THADA: variants seen among roughly 807,000 people sequenced by gnomAD.
The protein encoded by THADA is THADA armadillo repeat containing, also known as tRNA (32-2'-O)-methyltransferase regulator THADA.
A neutral mutation model predicts 219.8 loss-of-function variants in THADA; 213 were observed. That is an observed-to-expected ratio of 0.97 (90% CI 0.87 to 1.09). The LOEUF (loss-of-function observed/expected upper bound fraction) is 1.09. Ranked by LOEUF, THADA falls within the 50% of genes least tolerant of loss-of-function variation. The probability of loss-of-function intolerance (pLI) is 0.00; values close to 1 mark genes in which losing one functional copy is unlikely to be tolerated. For missense variants in THADA, 2,956 were observed against 2,311.3 expected, an observed-to-expected ratio of 1.28 and a Z score of -5.72; for synonymous variants, 1,018 against 828.9, an observed-to-expected ratio of 1.23 and a Z score of -3.92.
At chr2:43,551,418 G>T (rs1696723029) in intron 19 of THADA, among the ~76,000 whole-genome samples, 1 of 151,996 alleles carries the variant, frequency 6.6e-6, no homozygotes, top group Non-Finnish European at 1.5e-5. Context: ...CCAAAATACA[G>T]ATGCTCCAAT....
At chr2:43,506,637 C>A (rs1390907252) in intron 23 of THADA, among the ~76,000 whole-genome samples, 1 of 152,048 alleles carries the variant, frequency 6.6e-6, no homozygotes, top group African/African-American at 2.4e-5. Flanking sequence ...GGTTGATGTT[C>A]TAAAACTAAA....
chr2:43,457,322 T>G (rs1161552002), intron 26 of THADA, among the ~76,000 whole-genome samples: 1 of 152,178 alleles, frequency 6.6e-6, no homozygotes, highest in Non-Finnish European at 1.5e-5. Context: ...TAGACACTTC[T>G]GTGAACATAT....
intron 28 of THADA, among the ~76,000 whole-genome samples, chr2:43,422,085 T>C (rs1677787977): frequency 6.6e-6 from 1 of 152,236 alleles, no homozygotes; most frequent in African/African-American, 2.4e-5. Flanking sequence ...GCTGCAGATA[T>C]ATGCTCAACA....
At chr2:43,537,318 T>G (rs990974852) in intron 21 of THADA, among the ~76,000 whole-genome samples, 4 of 152,234 alleles carry the variant, frequency 2.6e-5, no homozygotes, top group Non-Finnish European at 4.4e-5. Flanking sequence ...TATCCTCTAT[T>G]GTATTTCTAA....
intron 26 of THADA, among the ~76,000 whole-genome samples, chr2:43,462,049 T>C (rs1442428614): frequency 6.6e-6 from 1 of 152,198 alleles, no homozygotes; most frequent in Non-Finnish European, 1.5e-5. Context: ...CAAGTGAGTA[T>C]CTGAGGAAGG....
rs185503483 is a variant in THADA, at chr2:43,291,311, C to T, written c.5010+385G>A. Among the ~76,000 whole-genome samples, 44 of 151,522 alleles carry T rather than the reference C, an allele frequency of 2.9e-4. No homozygotes were observed. The East Asian group carries it at 5.2e-3, about 18-fold the overall frequency. On this transcript the variant is annotated intron_variant, in intron 34 of 37. Coordinates refer to ENST00000405975, the MANE Select transcript of THADA (RefSeq NM_022065.5). Reference sequence around the variant, plus strand: ...CTAAAAATACAAAAAATTAGCCGGGCGTGCTGGCACAAGCCTGTAATCCCA... The same window carrying T: ...CTAAAAATACAAAAAATTAGCCGGGTGTGCTGGCACAAGCCTGTAATCCCA...
chr2:43,594,623 G>C (rs920345752), intron 1 of THADA, among the ~76,000 whole-genome samples: 20 of 151,540 alleles, frequency 1.3e-4, no homozygotes, highest in African/African-American at 4.8e-4. Flanking sequence ...AAATACTTGA[G>C]ATTTTGCCCT....
intron 37 of THADA, 146 bp from the exon 38 acceptor site, chr2:43,231,489 G>T: frequency 1.4e-6 from 1 of 702,376 alleles, no homozygotes; most frequent in Non-Finnish European, 2.2e-6. Flanking sequence ...CAACATCCAT[G>T]TACACACACC....
chr2:43,448,945 A>C (rs1471557677), intron 26 of THADA, among the ~76,000 whole-genome samples: 1 of 152,186 alleles, frequency 6.6e-6, no homozygotes, highest in East Asian at 1.9e-4. Context: ...AGAAACAGGG[A>C]AAGATAGCCA....
intron 13 of THADA, among the ~76,000 whole-genome samples, chr2:43,571,352 G>C (rs1477868846): frequency 2.6e-5 from 4 of 151,118 alleles, no homozygotes; most frequent in Non-Finnish European, 5.9e-5. Context: ...CTAGGTTCAA[G>C]CAATTCTCCT....
intron 29 of THADA, among the ~76,000 whole-genome samples, chr2:43,349,659 G>A (rs903900704): frequency 3.3e-5 from 5 of 152,048 alleles, no homozygotes; most frequent in Non-Finnish European, 1.5e-5. Context: ...AGCAATAACA[G>A]GACAAGGTTA....
intron 30 of THADA, among the ~76,000 whole-genome samples, chr2:43,337,893 T>C (rs943885871): frequency 3.9e-5 from 6 of 151,986 alleles, no homozygotes; most frequent in Admixed American, 3.3e-4. Flanking sequence ...AATTGAAAAA[T>C]AGGCAAAAGT....
At chr2:43,588,872 G>A (rs1356021181) in intron 4 of THADA, among the ~76,000 whole-genome samples, 3 of 152,062 alleles carry the variant, frequency 2.0e-5, no homozygotes, top group African/African-American at 7.2e-5. Context: ...GAATATCACT[G>A]CAATGGGGAA....
intron 19 of THADA, 28 bp from the exon 20 acceptor site, chr2:43,549,396 A>T: frequency 6.3e-7 from 1 of 1,579,308 alleles, no homozygotes; most frequent in Non-Finnish European, 8.6e-7. Context: ...GCGTACATGA[A>T]ACCCAGTAAC....
intron 24 of THADA, among the ~76,000 whole-genome samples, chr2:43,502,228 T>C (rs2105073432): frequency 6.6e-6 from 1 of 152,208 alleles, no homozygotes; most frequent in Non-Finnish European, 1.5e-5. Context: ...AAAATAATAA[T>C]ATGGTTTCAT....
rs1413588681 is a variant in THADA at position 43,289,935 on chromosome 2, T to C, written c.5010+1761A>G. ...TCCCAAAGTGCTAGGATTACAGGTG[T>C]GAGCTACCGTGCCCGGCCCTGGTGT... is the stretch of plus-strand genomic sequence containing the variant. On this transcript the variant is annotated intron_variant, in intron 34 of 37. Transcript: ENST00000405975. Among the ~76,000 whole-genome samples, 5 of 151,238 alleles carry C rather than the reference T, an allele frequency of 3.3e-5. No homozygotes were observed. The South Asian group carries it at 8.3e-4, about 25-fold the overall frequency.
At chr2:43,262,384 A>T (rs778191465) in intron 36 of THADA, among the ~76,000 whole-genome samples, 25 of 152,198 alleles carry the variant, frequency 1.6e-4, no homozygotes, top group Non-Finnish European at 2.9e-4. Flanking sequence ...TGAAGAGGTG[A>T]CCTTGAGGAT....
At chr2:43,428,277 T>A in intron 27 of THADA, 46 bp from the exon 28 acceptor site, 1 of 1,526,898 alleles carries the variant, frequency 6.5e-7, no homozygotes, top group Non-Finnish European at 8.9e-7. Context: ...ATTTAGGTAG[T>A]GAAGCACTCC....
At chr2:43,362,989 A>G (rs1041155729) in intron 29 of THADA, among the ~76,000 whole-genome samples, 2 of 152,150 alleles carry the variant, frequency 1.3e-5, no homozygotes, top group African/African-American at 4.8e-5. Flanking sequence ...TTCCACTTCC[A>G]CATCCTGGTC....
Sources: allele counts gnomAD v4.1 joint callset (sites outside exome capture counted in the v4.1 genomes callset), GRCh38; gene constraint gnomAD v4.1.1; transcripts MANE v1.5; gene names NCBI Gene and HGNC (gene_info 2026-07-23, HGNC 2026-07-21).